KCNAB1: variants seen among roughly 807,000 people sequenced by gnomAD.
The protein encoded by KCNAB1 is potassium voltage-gated channel subfamily A regulatory beta subunit 1.
KCNAB1 carries 35 observed loss-of-function variants against 64.6 expected under a neutral mutation model. The ratio of observed to expected loss-of-function variants is 0.54; its 90% CI spans 0.41 to 0.72. The LOEUF (loss-of-function observed/expected upper bound fraction) is 0.72. Among genes scored for constraint, KCNAB1 ranks in the 30% least tolerant of loss-of-function variants. The pLI, the probability that KCNAB1 is intolerant of heterozygous loss-of-function variation, is 0.00. For synonymous variants in KCNAB1, 177 were observed against 183.8 expected (o/e 0.96, Z 0.30); for missense variants, 401 against 512.9 (o/e 0.78, Z 2.11).
chr3:156,286,159 T>C (rs955493592), intron 1 of KCNAB1, among the ~76,000 whole-genome samples: 1 of 152,216 alleles, frequency 6.6e-6, no homozygotes, highest in Non-Finnish European at 1.5e-5. Context: ...CCAATATGGC[T>C]TCTCCATTTT....
At chr3:156,280,497 C>A (rs1160027704) in intron 1 of KCNAB1, among the ~76,000 whole-genome samples, 1 of 146,910 alleles carries the variant, frequency 6.8e-6, no homozygotes, top group Non-Finnish European at 1.5e-5. Flanking sequence ...TTTTCCAATT[C>A]TGTGAAGAAA....
rs534858838 is a variant in KCNAB1, at chr3:156,193,129, A to T, written c.275+72243A>T. 3.9e-4 allele frequency among the ~76,000 whole-genome samples: 59 copies of T among 151,594 alleles called. 3 individuals are homozygous for T. In the South Asian group the frequency reaches 0.012, roughly 31 times the overall value. On this transcript the variant is annotated intron_variant, in intron 1 of 13. Coordinates refer to ENST00000490337, the MANE Select transcript of KCNAB1 (RefSeq NM_172160.3). ...TTTATGGATTAATTATATTTTAATGATTTTTTCCTTTTTTAGTTTATTAGT... is the reference window on the plus strand; with the variant it reads ...TTTATGGATTAATTATATTTTAATGTTTTTTTCCTTTTTTAGTTTATTAGT...
intron 1 of KCNAB1, among the ~76,000 whole-genome samples, chr3:156,247,331 CAAAAT>C (rs1202807959): frequency 6.6e-6 from 1 of 152,120 alleles, no homozygotes; most frequent in African/African-American, 2.4e-5. Context: ...TTCTACTGGA[CAAAAT>C]AAATCACAAT....
rs200175870 is a variant in KCNAB1, at chr3:156,417,719, G to GA, written c.276-3884dup. On this transcript the variant is annotated intron_variant, in intron 1 of 13. Coordinates refer to ENST00000490337, the MANE Select transcript of KCNAB1 (RefSeq NM_172160.3). Reference sequence around the variant, plus strand: ...TCACTACTCCAGTATTGCCTTAAAAGAAAAAAAAAAAAAGCCTGGTGGCTG... The same window carrying GA: ...TCACTACTCCAGTATTGCCTTAAAAGAAAAAAAAAAAAAAGCCTGGTGGCTG... Among the ~76,000 whole-genome samples the GA allele has an allele frequency of 2.9e-3, 380 of 130,180 alleles. 2 individuals carry two copies. Among genetic ancestry groups the GA allele is most frequent in the East Asian group, 0.011 (51 of 4,528 alleles). The allele number at this position is 130,180 out of a possible 152,430, so 85.4% of individuals were successfully genotyped here.
chr3:156,450,867 C>A lies in KCNAB1; in HGVS notation c.320-2032C>A, dbSNP rs937741742. On this transcript the variant is annotated intron_variant, in intron 2 of 13. Transcript: ENST00000490337. ...GGATACACTTCCCATCCACCCACCC[C>A]CCCCCAAAAAAAAGTTATGCTCCTA... Among the ~76,000 whole-genome samples, 9 of 150,694 alleles carry A rather than the reference C, an allele frequency of 6.0e-5. 1 individual carries two copies. Among genetic ancestry groups the A allele is most frequent in the South Asian group, 4.2e-4 (2 of 4,708 alleles).
At chr3:156,524,229 T>C (rs1718143939) in intron 12 of KCNAB1, 1 of 243,216 alleles carries the variant, frequency 4.1e-6, no homozygotes, top group Non-Finnish European at 7.8e-6. Flanking sequence ...AGGGGTGAAC[T>C]GTGTAGTGAC....
intron 1 of KCNAB1, among the ~76,000 whole-genome samples, chr3:156,330,974 G>C (rs1465613055): frequency 6.6e-6 from 1 of 152,136 alleles, no homozygotes; most frequent in Non-Finnish European, 1.5e-5. Flanking sequence ...ACAAAAAACA[G>C]TTGTGTGCAG....
At chr3:156,465,139 G>A (rs1203410361) in intron 6 of KCNAB1, among the ~76,000 whole-genome samples, 1 of 152,056 alleles carries the variant, frequency 6.6e-6, no homozygotes, top group East Asian at 1.9e-4. Context: ...TGTCTTCTGG[G>A]GGTACGAATT....
intron 1 of KCNAB1, among the ~76,000 whole-genome samples, chr3:156,380,699 A>C (rs1712084910): frequency 6.6e-6 from 1 of 152,230 alleles, no homozygotes; most frequent in South Asian, 2.1e-4. Context: ...GGGAAATTAG[A>C]AACTAGGGAG....
chr3:156,252,520 A>G (rs1717889325), intron 1 of KCNAB1, among the ~76,000 whole-genome samples: 1 of 152,222 alleles, frequency 6.6e-6, no homozygotes, highest in Admixed American at 6.5e-5. Flanking sequence ...TTTGGTTGAA[A>G]TAAAGTATTA....
intron 5 of KCNAB1, 46 bp from the exon 6 acceptor site, chr3:156,463,656 C>G: frequency 1.4e-6 from 2 of 1,425,324 alleles, no homozygotes; most frequent in Non-Finnish European, 2.0e-6. Context: ...GTACAATAAC[C>G]TGCATTTATT....
chr3:156,413,365 T>C (rs914357674), intron 1 of KCNAB1, among the ~76,000 whole-genome samples: 2 of 152,160 alleles, frequency 1.3e-5, no homozygotes, highest in African/African-American at 2.4e-5. Context: ...TAAGGTGAAA[T>C]GAGTTGCCCC....
intron 8 of KCNAB1, among the ~76,000 whole-genome samples, chr3:156,512,864 A>G (rs565164238): frequency 5.9e-5 from 9 of 152,348 alleles, no homozygotes; most frequent in African/African-American, 2.2e-4. Context: ...TGGACACACA[A>G]TGGTGAATGA....
chr3:156,344,829 A>G (rs535504644), intron 1 of KCNAB1, among the ~76,000 whole-genome samples: 2 of 152,218 alleles, frequency 1.3e-5, no homozygotes, highest in Non-Finnish European at 2.9e-5. Flanking sequence ...AGATCCCATT[A>G]CGTCCTATCT....
At position 156,508,389 on chromosome 3, in the gene KCNAB1, A is replaced by G. The variant is rs1192434306; in HGVS notation, c.659-5975A>G. Reference sequence around the variant, plus strand: ...ATTTGCTTACAACTTTCAAAGTTCTAGGGAACATTTTGCAGGAAAAAAAGT... The same window carrying G: ...ATTTGCTTACAACTTTCAAAGTTCTGGGGAACATTTTGCAGGAAAAAAAGT... On this transcript the variant is annotated intron_variant, in intron 8 of 13. Transcript: ENST00000490337. The surrounding 1 kb of genome is among the most constrained non-coding windows in gnomAD (Gnocchi z 4.1). Among the ~76,000 whole-genome samples the G allele has an allele frequency of 6.6e-6, 1 of 152,232 alleles. No individual in the cohort carries two copies. Among genetic ancestry groups the G allele is most frequent in the African/African-American group, 2.4e-5 (1 of 41,466 alleles).
At chr3:156,443,938 C>G (rs12496391) in intron 2 of KCNAB1, among the ~76,000 whole-genome samples, 2,595 of 152,196 alleles carry the variant, frequency 0.017, 63 homozygotes, top group East Asian at 0.1. Flanking sequence ...ACCCCTCAGC[C>G]CCCTTGAGGA....
At chr3:156,314,769 T>C (rs903565545) in intron 1 of KCNAB1, among the ~76,000 whole-genome samples, 3 of 152,182 alleles carry the variant, frequency 2.0e-5, no homozygotes, top group Non-Finnish European at 4.4e-5. Flanking sequence ...TCCCAGCACT[T>C]TGGGAGGCCA....
intron 1 of KCNAB1, among the ~76,000 whole-genome samples, chr3:156,201,214 C>G (rs1386306716): frequency 2.6e-5 from 4 of 152,240 alleles, no homozygotes; most frequent in Non-Finnish European, 5.9e-5. Flanking sequence ...CACCCGCCTT[C>G]TGCATTGGTC....
At chr3:156,483,782 G>A (rs958529176) in intron 8 of KCNAB1, among the ~76,000 whole-genome samples, 8 of 152,066 alleles carry the variant, frequency 5.3e-5, no homozygotes, top group African/African-American at 1.4e-4. Context: ...TTAACAAGAG[G>A]CCCACAAAGT....
Sources: allele counts gnomAD v4.1 joint callset (sites outside exome capture counted in the v4.1 genomes callset), GRCh38; gene constraint gnomAD v4.1.1; non-coding constraint Gnocchi (gnomAD v3.1); transcripts MANE v1.5; gene names NCBI Gene and HGNC (gene_info 2026-07-23, HGNC 2026-07-21).